WSB2: variants seen among roughly 807,000 people sequenced by gnomAD.
The protein encoded by WSB2 is WD repeat and SOCS box-containing protein 2.
Under a neutral mutation model 48.8 loss-of-function variants are expected in WSB2, and 12 were observed. That is an observed-to-expected ratio of 0.25 (90% CI 0.16 to 0.40). The LOEUF is 0.40. WSB2 is among the 10% of genes least tolerant of loss of function. The probability of loss-of-function intolerance (pLI) is 1.00; values close to 1 mark genes in which losing one functional copy is unlikely to be tolerated. For missense variants in WSB2, 317 were observed against 506.2 expected (o/e 0.63, Z 3.59); for synonymous variants, 191 against 203.1 (o/e 0.94, Z 0.51).
upstream of WSB2, among the ~76,000 whole-genome samples, chr12:118,061,878 A>T (rs2032076841): frequency 7.2e-6 from 1 of 139,654 alleles, no homozygotes; most frequent in Non-Finnish European, 1.5e-5. Flanking sequence ...AAGGTGTAAT[A>T]ACCGGGTGCT....
chr12:118,047,775 C>T (rs2031773180), intron 2 of WSB2, among the ~76,000 whole-genome samples: 1 of 152,144 alleles, frequency 6.6e-6, no homozygotes, highest in Non-Finnish European at 1.5e-5. Flanking sequence ...AGTAGCGAAA[C>T]ATGGGAGAAA....
At chr12:118,034,703 T>G in intron 8 of WSB2, 1 of 506,106 alleles carries the variant, frequency 2.0e-6, no homozygotes, top group South Asian at 2.8e-5. Flanking sequence ...TAGCCCTAAA[T>G]GGTTTCCCAT....
Position 118,061,122 on chromosome 12 carries a change from C to A in WSB2, c.-74G>T. 1 of 980,852 alleles carries A rather than the reference C, an allele frequency of 1.0e-6. No individual in the cohort carries two copies. Among genetic ancestry groups the A allele is most frequent in the Non-Finnish European group, 1.2e-6 (1 of 828,106 alleles). The allele number at this position is 980,852 out of a possible 1,614,324, so 60.8% of individuals were successfully genotyped here. On this transcript the variant is annotated 5_prime_UTR_variant, in exon 1 of 9. Coordinates refer to ENST00000315436, the MANE Select transcript of WSB2 (RefSeq NM_018639.5). ...CGGGCCGCGGGCCCTCATGCCGCCCCCGCGCCGCCCGCCCCGGCCAGGCCG... is the reference window on the plus strand; with the variant it reads ...CGGGCCGCGGGCCCTCATGCCGCCCACGCGCCGCCCGCCCCGGCCAGGCCG...
Position 118,033,701 on chromosome 12 carries a change from G to A in WSB2, c.*495C>T. On this transcript the variant is annotated 3_prime_UTR_variant, in exon 9 of 9. Transcript: ENST00000315436. ...GTCAGAAGGGAGCCCAAGAAGAAAA[G>A]CACTTGGCCAACATCGAAGCAACTC... is the stretch of plus-strand genomic sequence containing the variant. 1 of 154,026 alleles carries A rather than the reference G, an allele frequency of 6.5e-6. No homozygotes were observed. Among genetic ancestry groups the A allele is most frequent in the Non-Finnish European group, 1.4e-5 (1 of 69,180 alleles). 9.5% of individuals were successfully genotyped at this position (154,026 alleles called of 1,614,324 possible).
chr12:118,058,903 T>C lies in WSB2; in HGVS notation c.13+2133A>G, dbSNP rs186646314. ...TAGAGACGGAGTTTCATTATGTTGG[T>C]GAGGCTGGTCTCGAACTCCTGGCCT... is the stretch of plus-strand genomic sequence containing the variant. On this transcript the variant is annotated intron_variant, in intron 1 of 8. Transcript: ENST00000315436. 2.0e-3 allele frequency among the ~76,000 whole-genome samples: 300 copies of C among 152,174 alleles called. 4 individuals are homozygous for C. The highest frequency in any genetic ancestry group is 6.4e-3 in the African/African-American group (267 of 41,528).
At chr12:118,059,229 T>G (rs1179772606) in intron 1 of WSB2, among the ~76,000 whole-genome samples, 1 of 152,208 alleles carries the variant, frequency 6.6e-6, no homozygotes, top group East Asian at 1.9e-4. Flanking sequence ...AACATTACAT[T>G]ACAATTTATT....
chr12:118,055,365 C>G (rs1753924652), intron 1 of WSB2, among the ~76,000 whole-genome samples: 1 of 152,116 alleles, frequency 6.6e-6, no homozygotes, highest in African/African-American at 2.4e-5. Flanking sequence ...TCAACAATGC[C>G]AAGGCTGAGA....
In WSB2 at chr12:118,052,447, G is replaced by A. The variant is rs760443387; in HGVS notation, c.45C>T (p.Pro15=). 8.1e-6 allele frequency: 13 copies of A among 1,614,102 alleles called. No individual in the cohort carries two copies. The highest frequency in any genetic ancestry group is 5.0e-5 in the Admixed American group (3 of 59,998). ...TCCAATCAAACTGGTGGGGGCGCCC[G>A]GGCTTGAGTTCGGCCAGCAGCAGCG... is the stretch of plus-strand genomic sequence containing the variant. The part of the protein sequence containing the change: ...EEPLLLAELK[P]GRPHQFDWKS... Residue 15 remains proline, a synonymous_variant, in exon 2 of 9, where the codon CCC becomes CCT. Coordinates refer to ENST00000315436, the MANE Select transcript of WSB2 (RefSeq NM_018639.5).
At chr12:118,034,467 G>A in intron 8 of WSB2, 109 bp from the exon 9 acceptor site, 1 of 1,311,034 alleles carries the variant, frequency 7.6e-7, no homozygotes, top group Non-Finnish European at 1.0e-6. Context: ...AGACTTCGGA[G>A]AGTGAAATGT....
At position 118,055,801 on chromosome 12, in the gene WSB2, G is replaced by A. The variant is rs997919843; in HGVS notation, c.14-3323C>T. 4.6e-5 allele frequency among the ~76,000 whole-genome samples: 7 copies of A among 151,452 alleles called. No individual in the cohort carries two copies. In the East Asian group the frequency reaches 1.4e-3, roughly 30 times the overall value. On this transcript the variant is annotated intron_variant, in intron 1 of 8. Transcript: ENST00000315436. Reference sequence around the variant, plus strand: ...AGCTAATTTTTGTATTTTTAGTAGAGACAGGTTTTTGCTATCTTGGCCAGG... The same window carrying A: ...AGCTAATTTTTGTATTTTTAGTAGAAACAGGTTTTTGCTATCTTGGCCAGG...
At chr12:118,056,615 A>G (rs1381267317) in intron 1 of WSB2, among the ~76,000 whole-genome samples, 2 of 152,170 alleles carry the variant, frequency 1.3e-5, no homozygotes, top group Admixed American at 1.3e-4. Context: ...AGTAACATAA[A>G]GCTGGCCAGG....
In WSB2 at chr12:118,034,005, A is replaced by G; in HGVS notation, c.*191T>C. 1.4e-6 allele frequency: 1 copy of G among 729,584 alleles called. No individual in the cohort carries two copies. Among genetic ancestry groups the G allele is most frequent in the East Asian group, 2.7e-5 (1 of 36,376 alleles). The allele number at this position is 729,584 out of a possible 1,614,324, so 45.2% of individuals were successfully genotyped here. A position where few individuals can be genotyped will look rare whatever the true frequency, so the allele number is the denominator to read the frequency against. ...TGCAAGTGGAATCTCTTCCTCTAAGACTGACTTTCACATGCCAGGGAGAGA... is the reference window on the plus strand; with the variant it reads ...TGCAAGTGGAATCTCTTCCTCTAAGGCTGACTTTCACATGCCAGGGAGAGA... On this transcript the variant is annotated 3_prime_UTR_variant, in exon 9 of 9. Coordinates refer to ENST00000315436, the MANE Select transcript of WSB2 (RefSeq NM_018639.5).
intron 2 of WSB2, among the ~76,000 whole-genome samples, chr12:118,048,356 G>A (rs1485022243): frequency 6.6e-6 from 1 of 152,108 alleles, no homozygotes; most frequent in Non-Finnish European, 1.5e-5. Context: ...GGGAGGCCAA[G>A]GCAGGTAGAT....
Position 118,034,067 on chromosome 12 carries a change from T to C in WSB2, c.*129A>G. The C allele has an allele frequency of 3.9e-6, 5 of 1,293,082 alleles. No homozygotes were observed. Among genetic ancestry groups the C allele is most frequent in the Non-Finnish European group, 5.5e-6 (5 of 917,226 alleles). The allele number at this position is 1,293,082 out of a possible 1,614,324, so 80.1% of individuals were successfully genotyped here. A position where few individuals can be genotyped will look rare whatever the true frequency, so the allele number is the denominator to read the frequency against. ...CTAGTACACTGGAATCTGGTTTTGC[T>C]ACATTCTATTCACAATCCCAAAGAA... On this transcript the variant is annotated 3_prime_UTR_variant, in exon 9 of 9. Transcript: ENST00000315436.
At chr12:118,034,453 C>T in intron 8 of WSB2, 95 bp from the exon 9 acceptor site, 1 of 1,454,804 alleles carries the variant, frequency 6.9e-7, no homozygotes, top group Non-Finnish European at 9.4e-7. Flanking sequence ...CTGCAAAGAG[C>T]AGGAGACTTC....
At chr12:118,056,902 A>C (rs57353139) in intron 1 of WSB2, among the ~76,000 whole-genome samples, 17,519 of 152,092 alleles carry the variant, frequency 0.12, 1,510 homozygotes, top group East Asian at 0.42. Flanking sequence ...CTCTGTCCCC[A>C]AAAAATAAAA....
intron 2 of WSB2, among the ~76,000 whole-genome samples, chr12:118,046,549 G>A: frequency 6.6e-6 from 1 of 151,948 alleles, no homozygotes; most frequent in East Asian, 1.9e-4. Context: ...TGTTATTCTG[G>A]CCAAACAATC....
chr12:118,039,966 G>A (rs1170678104), intron 4 of WSB2, among the ~76,000 whole-genome samples: 3 of 151,846 alleles, frequency 2.0e-5, no homozygotes, highest in Admixed American at 6.6e-5. Flanking sequence ...GGCTGGTCTC[G>A]AACTCCTGAC....
intron 1 of WSB2, among the ~76,000 whole-genome samples, chr12:118,054,358 T>A (rs2137796056): frequency 6.7e-6 from 1 of 149,374 alleles, no homozygotes; most frequent in South Asian, 2.1e-4. Flanking sequence ...GCCACTGCAC[T>A]CCAGCCTGGG....
Sources: allele counts gnomAD v4.1 joint callset (sites outside exome capture counted in the v4.1 genomes callset), GRCh38; gene constraint gnomAD v4.1.1; transcripts MANE v1.5; gene names NCBI Gene and HGNC (gene_info 2026-07-23, HGNC 2026-07-21).